The following IMMP2L variants were observed in gnomAD, a reference collection of about 807,000 sequenced individuals.
The protein encoded by IMMP2L is mitochondrial inner membrane protease subunit 2.
In IMMP2L, 18 loss-of-function variants were observed where a neutral mutation model predicts 19.3. The ratio of observed to expected loss-of-function variants is 0.93; its 90% CI spans 0.64 to 1.38. The LOEUF (loss-of-function observed/expected upper bound fraction) is 1.38, where lower values mean the gene tolerates loss of function less well. IMMP2L is among the 40% of genes most tolerant of loss of function. The pLI is 0.00. For missense variants in IMMP2L, 233 were observed against 218.2 expected (o/e 1.07, Z -0.43); for synonymous variants, 76 against 73.0 (o/e 1.04, Z -0.21).
At chr7:110,965,465 TAA>T (rs1347509129) in intron 3 of IMMP2L, among the ~76,000 whole-genome samples, 1 of 152,020 alleles carries the variant, frequency 6.6e-6, no homozygotes, top group African/African-American at 2.4e-5. Context: ...AGTTTTTCAC[TAA>T]GTTAACTTTT....
At chr7:111,385,685 G>A (rs1356127607) in intron 3 of IMMP2L, among the ~76,000 whole-genome samples, 2 of 152,088 alleles carry the variant, frequency 1.3e-5, no homozygotes, top group Non-Finnish European at 2.9e-5. Flanking sequence ...TTACTTGGCT[G>A]TCATAAGACA....
At chr7:111,372,023 T>G (rs1206716261) in intron 3 of IMMP2L, among the ~76,000 whole-genome samples, 1 of 151,988 alleles carries the variant, frequency 6.6e-6, no homozygotes, top group African/African-American at 2.4e-5. Flanking sequence ...TGACAAACAT[T>G]TTCCAAAGTT....
chr7:110,934,465 C>T (rs1815854978), intron 4 of IMMP2L, among the ~76,000 whole-genome samples: 1 of 152,084 alleles, frequency 6.6e-6, no homozygotes, highest in Non-Finnish European at 1.5e-5. Flanking sequence ...AAATCTTACT[C>T]CATGGATAAT....
chr7:110,718,461 T>C (rs1308598527), intron 5 of IMMP2L, among the ~76,000 whole-genome samples: 1 of 152,166 alleles, frequency 6.6e-6, no homozygotes, highest in Non-Finnish European at 1.5e-5. Flanking sequence ...ATCTTCTCAA[T>C]GATTGAGTTT....
At chr7:111,267,474 A>C (rs772912704) in intron 3 of IMMP2L, among the ~76,000 whole-genome samples, 53 of 152,050 alleles carry the variant, frequency 3.5e-4, no homozygotes, top group Non-Finnish European at 6.5e-4. Flanking sequence ...CATCTGTTTC[A>C]TTGCTAGGAG....
chr7:111,438,047 A>C (rs1837359774), intron 3 of IMMP2L, among the ~76,000 whole-genome samples: 1 of 151,878 alleles, frequency 6.6e-6, no homozygotes, highest in Non-Finnish European at 1.5e-5. Flanking sequence ...ATTATGTTAC[A>C]CAAGCATGTA....
intron 1 of IMMP2L, among the ~76,000 whole-genome samples, chr7:111,531,268 T>C (rs1847371004): frequency 6.6e-6 from 1 of 151,984 alleles, no homozygotes. Flanking sequence ...ATACGAATTT[T>C]TCTTGTTTTA....
chr7:110,763,111 T>C (rs527268820), intron 5 of IMMP2L, among the ~76,000 whole-genome samples: 7 of 152,102 alleles, frequency 4.6e-5, no homozygotes, highest in Admixed American at 2.6e-4. Context: ...GAAATCCACA[T>C]TGGGTTTCTT....
chr7:110,974,700 C>A (rs2129557117), intron 3 of IMMP2L, among the ~76,000 whole-genome samples: 1 of 152,206 alleles, frequency 6.6e-6, no homozygotes, highest in East Asian at 1.9e-4. Context: ...TCCTCTAATT[C>A]TTTACATCCC....
chr7:111,547,514 C>A lies in IMMP2L; in HGVS notation c.-3+14337G>T, dbSNP rs929183258. Among the ~76,000 whole-genome samples, 41 of 150,486 alleles carry A rather than the reference C, an allele frequency of 2.7e-4. 1 individual carries two copies. Among genetic ancestry groups the A allele is most frequent in the Admixed American group, 3.3e-4 (5 of 15,146 alleles). On this transcript the variant is annotated intron_variant, in intron 1 of 5. Transcript: ENST00000405709. ...CTAAACAAACTGTCATACCCCCCCC[C>A]CCTTTTTATCCTGCTTTTTTGCTTG...
intron 3 of IMMP2L, among the ~76,000 whole-genome samples, chr7:110,971,348 C>T (rs1018886196): frequency 1.4e-4 from 22 of 152,126 alleles, no homozygotes; most frequent in African/African-American, 5.3e-4. Context: ...TTTATGGTTA[C>T]CATATGATAT....
chr7:110,716,251 C>T (rs964873943), intron 5 of IMMP2L, among the ~76,000 whole-genome samples: 32 of 152,020 alleles, frequency 2.1e-4, no homozygotes, highest in Middle Eastern at 6.8e-3. Context: ...TCTAATTCAA[C>T]CTTGCAACTC....
chr7:110,816,877 G>A (rs1802568443), intron 5 of IMMP2L, among the ~76,000 whole-genome samples: 1 of 152,088 alleles, frequency 6.6e-6, no homozygotes, highest in South Asian at 2.1e-4. Context: ...CGTGAGATGG[G>A]TTTCCTGAAT....
intron 3 of IMMP2L, among the ~76,000 whole-genome samples, chr7:111,340,895 G>C (rs1826943774): frequency 6.6e-6 from 1 of 152,000 alleles, no homozygotes. Context: ...AACCTATGGA[G>C]ACAAAAGTCA....
At chr7:111,349,571 C>T (rs1827930823) in intron 3 of IMMP2L, among the ~76,000 whole-genome samples, 1 of 152,172 alleles carries the variant, frequency 6.6e-6, no homozygotes, top group Non-Finnish European at 1.5e-5. Context: ...TCTTGGCTTT[C>T]ATGAAGCCCT....
At chr7:111,058,386 A>G (rs1252255502) in intron 3 of IMMP2L, among the ~76,000 whole-genome samples, 1 of 152,214 alleles carries the variant, frequency 6.6e-6, no homozygotes, top group Admixed American at 6.5e-5. Flanking sequence ...GCAATAATTC[A>G]AACTTCAGAT....
intron 3 of IMMP2L, among the ~76,000 whole-genome samples, chr7:111,023,015 C>T (rs1350864768): frequency 1.3e-5 from 2 of 152,150 alleles, no homozygotes; most frequent in African/African-American, 4.8e-5. Flanking sequence ...ACTGCTCATG[C>T]CCTCAGTAGA....
At chr7:110,717,943 G>T (rs749151188) in intron 5 of IMMP2L, among the ~76,000 whole-genome samples, 1 of 152,170 alleles carries the variant, frequency 6.6e-6, no homozygotes, top group Non-Finnish European at 1.5e-5. Context: ...ATGTAAGCAG[G>T]TTTATATGTA....
At chr7:110,843,885 G>A (rs1332777820) in intron 5 of IMMP2L, among the ~76,000 whole-genome samples, 1 of 152,102 alleles carries the variant, frequency 6.6e-6, no homozygotes, top group Non-Finnish European at 1.5e-5. Flanking sequence ...CAGAGAGGGT[G>A]GCCAGGGTGG....
Sources: gnomAD v4.1 joint callset for allele counts (sites outside exome capture counted in the v4.1 genomes callset) on GRCh38, gnomAD v4.1.1 for gene constraint, MANE v1.5 for transcripts, NCBI Gene and HGNC (gene_info 2026-07-23, HGNC 2026-07-21) for gene names.